Variants in LRMDA observed in about 807,000 individuals in gnomAD.
The protein encoded by LRMDA is leucine-rich melanocyte differentiation-associated protein.
A neutral mutation model predicts 29.8 loss-of-function variants in LRMDA; 18 were observed. The ratio of observed to expected loss-of-function variants is 0.60; its 90% confidence interval spans 0.42 to 0.90. The LOEUF is 0.90. Among genes scored for constraint, LRMDA ranks in the 40% least tolerant of loss-of-function variants. The pLI is 0.00. For missense variants in LRMDA, 273 were observed against 273.9 expected (o/e 1.00, Z 0.02); for synonymous variants, 125 against 109.4 (o/e 1.14, Z -0.89).
chr10:75,549,870 GT>G (rs1215676353), intron 2 of LRMDA, among the ~76,000 whole-genome samples: 1 of 152,030 alleles, frequency 6.6e-6, no homozygotes, highest in Admixed American at 6.6e-5. Flanking sequence ...TCCCCAGAAT[GT>G]CATAAAAATG....
At chr10:75,468,108 G>A (rs1341385824) in intron 2 of LRMDA, among the ~76,000 whole-genome samples, 1 of 152,162 alleles carries the variant, frequency 6.6e-6, no homozygotes, top group East Asian at 1.9e-4. Flanking sequence ...AATGGTTGAA[G>A]TATTAATGAT....
intron 2 of LRMDA, among the ~76,000 whole-genome samples, chr10:75,810,129 C>T (rs1564573962): frequency 6.6e-6 from 1 of 152,124 alleles, no homozygotes; most frequent in South Asian, 2.1e-4. Flanking sequence ...GAGGTTGGCA[C>T]ATTCAGAAAT....
intron 6 of LRMDA, among the ~76,000 whole-genome samples, chr10:76,440,536 T>G (rs780101884): frequency 6.9e-5 from 4 of 57,596 alleles, no homozygotes; most frequent in Non-Finnish European, 9.7e-5. Flanking sequence ...GGCAATTAAC[T>G]TCACTTAGTC....
At chr10:75,791,706 G>C (rs1003262720) in intron 2 of LRMDA, among the ~76,000 whole-genome samples, 4 of 152,064 alleles carry the variant, frequency 2.6e-5, no homozygotes, top group Non-Finnish European at 5.9e-5. Flanking sequence ...AGGCCCTTCC[G>C]GCCTCTCCAT....
At chr10:75,805,674 T>C (rs1476938923) in intron 2 of LRMDA, among the ~76,000 whole-genome samples, 2 of 152,162 alleles carry the variant, frequency 1.3e-5, no homozygotes, top group African/African-American at 2.4e-5. Context: ...CTGGAAGCCA[T>C]ATGCCTTGTG....
At chr10:75,692,219 A>ATATATATATAT (rs1554820676) in intron 2 of LRMDA, among the ~76,000 whole-genome samples, 3 of 87,566 alleles carry the variant, frequency 3.4e-5, no homozygotes, top group Admixed American at 1.3e-4. Context: ...AAAAAAAAAA[A>ATATATATATAT]ATATATATAT....
intron 2 of LRMDA, among the ~76,000 whole-genome samples, chr10:75,635,811 G>A (rs1841384664): frequency 6.6e-6 from 1 of 150,606 alleles, no homozygotes; most frequent in African/African-American, 2.4e-5. Flanking sequence ...TTTTTAAAAC[G>A]ATTGGTCTGC....
At chr10:76,017,446 C>A (rs563390992) in intron 2 of LRMDA, among the ~76,000 whole-genome samples, 40 of 152,276 alleles carry the variant, frequency 2.6e-4, no homozygotes, top group African/African-American at 8.9e-4. Context: ...TTTAAGCCAC[C>A]CAGTTGGTGG....
intron 2 of LRMDA, among the ~76,000 whole-genome samples, chr10:75,658,143 T>C (rs566624218): frequency 5.3e-5 from 8 of 152,178 alleles, no homozygotes; most frequent in South Asian, 4.2e-4. Flanking sequence ...CAGGCTCTAC[T>C]TGAAGATAAT....
At position 75,854,216 on chromosome 10, in the gene LRMDA, G is replaced by T. The variant is rs140263631; in HGVS notation, c.132-181792G>T. On this transcript the variant is annotated intron_variant, in intron 2 of 6. Transcript: ENST00000611255. ...GTTTGTACAGGATAGGCAAAGTCTC[G>T]ACCATCTATAAGACTGTCCTCCTGG... is the stretch of plus-strand genomic sequence containing the variant. Among the ~76,000 whole-genome samples the T allele has an allele frequency of 2.6e-5, 4 of 152,200 alleles. No individual in the cohort carries two copies. In the East Asian group the frequency reaches 7.7e-4, roughly 29 times the overall value.
intron 2 of LRMDA, among the ~76,000 whole-genome samples, chr10:75,890,195 T>C (rs757370865): frequency 5.9e-5 from 9 of 152,184 alleles, no homozygotes; most frequent in Non-Finnish European, 1.0e-4. Flanking sequence ...TTCCCTGGTA[T>C]CTATTTCCAT....
intron 2 of LRMDA, among the ~76,000 whole-genome samples, chr10:75,925,671 C>CTT (rs371918813): frequency 4.2e-4 from 34 of 80,596 alleles, no homozygotes; most frequent in Middle Eastern, 6.1e-3. Flanking sequence ...TTTTCTTTTT[C>CTT]TTTTTTTTTT....
intron 2 of LRMDA, among the ~76,000 whole-genome samples, chr10:75,756,593 G>A (rs969170071): frequency 1.3e-5 from 2 of 152,158 alleles, no homozygotes; most frequent in African/African-American, 2.4e-5. Flanking sequence ...ACTGATAAAG[G>A]TGCTCTCTTT....
chr10:75,991,086 G>T (rs918728742), intron 2 of LRMDA, among the ~76,000 whole-genome samples: 9 of 152,266 alleles, frequency 5.9e-5, no homozygotes, highest in Non-Finnish European at 1.0e-4. Flanking sequence ...ATAATCTACA[G>T]ATCTCTGTAT....
intron 2 of LRMDA, among the ~76,000 whole-genome samples, chr10:75,520,689 G>C (rs1007683821): frequency 2.6e-5 from 4 of 152,172 alleles, no homozygotes; most frequent in Non-Finnish European, 4.4e-5. Context: ...CTGTCAGCTC[G>C]TCAAAGTCAT....
At chr10:76,216,355 C>G (rs1231593813) in intron 5 of LRMDA, among the ~76,000 whole-genome samples, 1 of 151,860 alleles carries the variant, frequency 6.6e-6, no homozygotes, top group Non-Finnish European at 1.5e-5. Flanking sequence ...GACCTTGTCT[C>G]TAAGAAAAAC....
chr10:75,574,518 G>A (rs1394227126), intron 2 of LRMDA, among the ~76,000 whole-genome samples: 1 of 152,196 alleles, frequency 6.6e-6, no homozygotes, highest in Non-Finnish European at 1.5e-5. Flanking sequence ...CTGTTGGTCA[G>A]TCACTCATGT....
chr10:76,193,740 G>A (rs1851285721), intron 5 of LRMDA, among the ~76,000 whole-genome samples: 2 of 152,086 alleles, frequency 1.3e-5, no homozygotes, highest in Admixed American at 1.3e-4. Flanking sequence ...CACTGTGATA[G>A]GCAGTGAGCT....
chr10:76,183,987 G>T (rs2132212199), intron 5 of LRMDA, among the ~76,000 whole-genome samples: 1 of 151,880 alleles, frequency 6.6e-6, no homozygotes, highest in Non-Finnish European at 1.5e-5. Context: ...CTTCCAAAGT[G>T]CTGGGATTAC....
Sources: gnomAD v4.1 joint callset for allele counts (sites outside exome capture counted in the v4.1 genomes callset) on GRCh38, gnomAD v4.1.1 for gene constraint, MANE v1.5 for transcripts, NCBI Gene and HGNC (gene_info 2026-07-23, HGNC 2026-07-21) for gene names.